The following ROR1 variants were observed in gnomAD, a reference collection of about 807,000 sequenced individuals.
ROR1 encodes the protein inactive tyrosine-protein kinase transmembrane receptor ROR1.
A neutral mutation model predicts 78.8 loss-of-function variants in ROR1; 19 were observed. The ratio of observed to expected loss-of-function variants is 0.24; its 90% CI spans 0.17 to 0.35. The LOEUF is 0.35. ROR1 is among the 10% of genes least tolerant of loss of function. ROR1 has a pLI of 1.00. For missense variants in ROR1, 917 were observed against 1,177.8 expected (o/e 0.78, Z 3.24); for synonymous variants, 386 against 433.6 (o/e 0.89, Z 1.36).
chr1:63,931,593 G>A (rs1164048632), intron 1 of ROR1, among the ~76,000 whole-genome samples: 2 of 152,304 alleles, frequency 1.3e-5, no homozygotes, highest in Admixed American at 6.5e-5. Flanking sequence ...AAGTAGTATG[G>A]TGAAATCTCA....
rs1394763866 is a variant in ROR1 at position 64,168,675 on chromosome 1, AT to A, written c.1387-8752del. Among the ~76,000 whole-genome samples the A allele has an allele frequency of 2.6e-5, 4 of 152,370 alleles. No homozygotes were observed. In the East Asian group the frequency reaches 7.7e-4, roughly 29 times the overall value. Reference sequence around the variant, plus strand: ...ATGACTACAAGTAGTCATGTAGTATATAAACCTAATAAATGCTGGTTAATGG... The same window carrying A: ...ATGACTACAAGTAGTCATGTAGTATAAAACCTAATAAATGCTGGTTAATGG... On this transcript the variant is annotated intron_variant, in intron 8 of 8. Coordinates refer to ENST00000371079, the MANE Select transcript of ROR1 (RefSeq NM_005012.4).
At chr1:63,871,253 A>C (rs1645249723) in intron 1 of ROR1, among the ~76,000 whole-genome samples, 1 of 152,228 alleles carries the variant, frequency 6.6e-6, no homozygotes, top group Non-Finnish European at 1.5e-5. Context: ...CACCATAATA[A>C]GTACATGACA....
intron 4 of ROR1, among the ~76,000 whole-genome samples, chr1:64,065,849 A>G (rs1338731854): frequency 2.0e-5 from 3 of 152,208 alleles, no homozygotes; most frequent in African/African-American, 7.2e-5. Context: ...AATACATTTC[A>G]TAGTGATTGC....
At chr1:64,014,740 C>CTATGTATATATA (rs1646504735) in intron 2 of ROR1, among the ~76,000 whole-genome samples, 1 of 29,048 alleles carries the variant, frequency 3.4e-5, no homozygotes, top group African/African-American at 1.1e-4. Context: ...CATACGCACA[C>CTATGTATATATA]TATATATATA....
At chr1:63,976,083 C>T (rs1174986702) in intron 1 of ROR1, among the ~76,000 whole-genome samples, 1 of 152,144 alleles carries the variant, frequency 6.6e-6, no homozygotes, top group East Asian at 1.9e-4. Flanking sequence ...CTTTAGAGAG[C>T]CAAGACATGC....
At chr1:63,937,236 G>A (rs891624030) in intron 1 of ROR1, among the ~76,000 whole-genome samples, 3 of 152,126 alleles carry the variant, frequency 2.0e-5, no homozygotes, top group African/African-American at 7.2e-5. Flanking sequence ...TCAGTGAGCC[G>A]GCAGTGCTTC....
intron 2 of ROR1, among the ~76,000 whole-genome samples, chr1:64,048,978 C>T (rs1646806860): frequency 2.6e-5 from 4 of 152,074 alleles, no homozygotes; most frequent in Admixed American, 2.6e-4. Flanking sequence ...TGAGTATATG[C>T]ATTTGCCTGT....
At position 63,863,718 on chromosome 1, in the gene ROR1, ATTG is replaced by A. The variant is rs1645196558; in HGVS notation, c.91+89212_91+89214del. On this transcript the variant is annotated intron_variant, in intron 1 of 8. Transcript: ENST00000371079. ...GCATTCAACACTGCCATTGTATTGT[ATTG>A]TATTGTATTGTATTGTATTGTATTG... Among the ~76,000 whole-genome samples, 42 of 36,506 alleles carry A rather than the reference ATTG, an allele frequency of 1.2e-3. No individual in the cohort carries two copies. The Middle Eastern group carries it at 0.036, about 31-fold the overall frequency. 23.9% of individuals were successfully genotyped at this position (36,506 alleles called of 152,430 possible).
chr1:64,035,513 G>A (rs1024266465), intron 2 of ROR1, among the ~76,000 whole-genome samples: 2 of 152,020 alleles, frequency 1.3e-5, no homozygotes, highest in Non-Finnish European at 2.9e-5. Flanking sequence ...TGTCCTTCTG[G>A]TGAGAGTTGA....
chr1:64,006,257 C>A (rs911750976), intron 1 of ROR1, among the ~76,000 whole-genome samples: 4 of 152,204 alleles, frequency 2.6e-5, no homozygotes, highest in African/African-American at 9.6e-5. Flanking sequence ...CACTTTCCAA[C>A]CTATGCTTCC....
chr1:64,104,484 CTT>C (rs140148564), intron 4 of ROR1, among the ~76,000 whole-genome samples: 38 of 147,020 alleles, frequency 2.6e-4, no homozygotes, highest in African/African-American at 8.7e-4. Flanking sequence ...GTAATAAATT[CTT>C]TTTTTTTTTT....
intron 4 of ROR1, among the ~76,000 whole-genome samples, chr1:64,096,950 GATGATA>G (rs1342509089): frequency 6.6e-6 from 1 of 151,516 alleles, no homozygotes; most frequent in Non-Finnish European, 1.5e-5. Flanking sequence ...AAGTCTTGAT[GATGATA>G]ATGATGATGA....
chr1:63,866,756 G>GC (rs1366856123), intron 1 of ROR1, among the ~76,000 whole-genome samples: 1 of 152,160 alleles, frequency 6.6e-6, no homozygotes, highest in Non-Finnish European at 1.5e-5. Flanking sequence ...TATTAAGAAG[G>GC]CTTTATAGAG....
intron 1 of ROR1, among the ~76,000 whole-genome samples, chr1:63,786,164 C>G (rs573912195): frequency 3.1e-4 from 46 of 150,684 alleles, no homozygotes; most frequent in Non-Finnish European, 4.9e-4. Context: ...AGAGAAAGTC[C>G]AGGACTTAAC....
intron 1 of ROR1, among the ~76,000 whole-genome samples, chr1:63,929,317 G>C (rs745440563): frequency 1.3e-5 from 2 of 152,188 alleles, no homozygotes; most frequent in Non-Finnish European, 2.9e-5. Context: ...AGACACGTAT[G>C]TGTGAGCATG....
intron 4 of ROR1, chr1:64,066,693 A>G (rs912798294): frequency 6.5e-6 from 1 of 152,690 alleles, no homozygotes; most frequent in Non-Finnish European, 1.5e-5. Context: ...AGAAATTTGC[A>G]ATTGCTTGTG....
chr1:63,888,421 C>G (rs1395139316), intron 1 of ROR1, among the ~76,000 whole-genome samples: 1 of 151,932 alleles, frequency 6.6e-6, no homozygotes, highest in Non-Finnish European at 1.5e-5. Context: ...TTGAGACCAG[C>G]CTGGGCAAAC....
At chr1:63,958,172 TTTA>T (rs1645999044) in intron 1 of ROR1, among the ~76,000 whole-genome samples, 1 of 152,246 alleles carries the variant, frequency 6.6e-6, no homozygotes, top group African/African-American at 2.4e-5. Context: ...ACATGAATTA[TTTA>T]TTATTATGCA....
Position 63,774,646 on chromosome 1 carries a change from G to A in ROR1, c.91+138G>A. ...CGTCCGGCCACCCGCCACGGGGCTC[G>A]CCGGCGCCGCCAGGCCAGGGTTTGC... On this transcript the variant is annotated intron_variant, in intron 1 of 8. Transcript: ENST00000371079. This position sits in a 1 kb window ranked among gnomAD's most constrained non-coding sequence, Gnocchi z 5.7. 2 of 305,980 alleles carry A rather than the reference G, an allele frequency of 6.5e-6. No homozygotes were observed. The highest frequency in any genetic ancestry group is 9.7e-6 in the Non-Finnish European group (2 of 206,472). 19.0% of individuals were successfully genotyped at this position (305,980 alleles called of 1,614,324 possible). A position where few individuals can be genotyped will look rare whatever the true frequency, so the allele number is the denominator to read the frequency against.
Sources: allele counts gnomAD v4.1 joint callset (sites outside exome capture counted in the v4.1 genomes callset), GRCh38; gene constraint gnomAD v4.1.1; non-coding constraint Gnocchi (gnomAD v3.1); transcripts MANE v1.5; gene names NCBI Gene and HGNC (gene_info 2026-07-23, HGNC 2026-07-21).